The following RANBP2 variants were observed in gnomAD, a reference collection of about 807,000 sequenced individuals.
The protein encoded by RANBP2 is RAN binding protein 2.
A neutral mutation model predicts 303.6 loss-of-function variants in RANBP2; 57 were observed. That is an observed-to-expected ratio of 0.19 (90% CI 0.15 to 0.23). The LOEUF (loss-of-function observed/expected upper bound fraction) is 0.23. Ranked by LOEUF, RANBP2 falls within the 10% of genes least tolerant of loss-of-function variation. RANBP2 has a pLI of 1.00. For missense variants in RANBP2, 3,138 were observed against 3,780.8 expected, an observed-to-expected ratio of 0.83 and a Z score of 4.46; for synonymous variants, 1,167 against 1,301.5, an observed-to-expected ratio of 0.90 and a Z score of 2.23.
At chr2:109,043,615 G>A in the RANBP2 span, among the ~76,000 whole-genome samples, 36 of 152,294 alleles carry the variant, frequency 2.4e-4, no homozygotes, top group East Asian at 2.9e-3. Flanking sequence ...AATTACAGGC[G>A]TGAGCCACCG....
chr2:109,269,143 A>G, the RANBP2 span, among the ~76,000 whole-genome samples: 36 of 152,344 alleles, frequency 2.4e-4, no homozygotes, highest in Non-Finnish European at 4.4e-4. Flanking sequence ...AAGCGTGGGC[A>G]TCATAGGCAG....
At chr2:109,602,503 C>T in the RANBP2 span, among the ~76,000 whole-genome samples, 3,935 of 151,984 alleles carry the variant, frequency 0.026, 63 homozygotes, top group South Asian at 0.074. Flanking sequence ...TGGTGAAACC[C>T]CATCTCTACT....
At chr2:109,129,292 G>A in the RANBP2 span, 4 of 690,748 alleles carry the variant, frequency 5.8e-6, no homozygotes, top group South Asian at 3.3e-5. Context: ...GCCCGCAGCC[G>A]CAGGCGCTGC....
chr2:109,542,888 T>C, the RANBP2 span: 2 of 152,634 alleles, frequency 1.3e-5, no homozygotes, highest in African/African-American at 4.8e-5. Flanking sequence ...TGTCTGAAAA[T>C]ACTCATAAAA....
the RANBP2 span, among the ~76,000 whole-genome samples, chr2:109,335,030 G>A: frequency 6.6e-6 from 1 of 152,350 alleles, no homozygotes; most frequent in South Asian, 2.1e-4. Flanking sequence ...CGACTTACAT[G>A]TGCTCCCTGA....
the RANBP2 span, among the ~76,000 whole-genome samples, chr2:108,877,325 A>T: frequency 6.6e-6 from 1 of 151,550 alleles, no homozygotes; most frequent in East Asian, 1.9e-4. Flanking sequence ...AGAATTAGCC[A>T]GGCGGTGATG....
At chr2:108,740,904 A>G (rs1222803175) in intron 7 of RANBP2, among the ~76,000 whole-genome samples, 1 of 151,920 alleles carries the variant, frequency 6.6e-6, no homozygotes, top group Non-Finnish European at 1.5e-5. Flanking sequence ...CTGCATTGCC[A>G]TGATTTGTTT....
At chr2:108,786,462 A>G (rs1678734308), downstream of RANBP2, among the ~76,000 whole-genome samples, 1 of 152,106 alleles carries the variant, frequency 6.6e-6, no homozygotes, top group South Asian at 2.1e-4. Context: ...CGACCGGTCT[A>G]TGTGGTGAGC....
chr2:109,201,624 T>G, the RANBP2 span, among the ~76,000 whole-genome samples: 1 of 152,228 alleles, frequency 6.6e-6, no homozygotes, highest in South Asian at 2.1e-4. Context: ...TCTCACAGCA[T>G]GGCCTTCGTT....
chr2:109,149,732 A>G, the RANBP2 span, among the ~76,000 whole-genome samples: 10 of 152,232 alleles, frequency 6.6e-5, no homozygotes, highest in Non-Finnish European at 1.5e-5. Context: ...AATTGGTGCC[A>G]TGGGGGCTCT....
At chr2:109,432,663 C>G in the RANBP2 span, 6 of 1,611,442 alleles carry the variant, frequency 3.7e-6, no homozygotes, top group African/African-American at 1.3e-5. Flanking sequence ...ACGTGACACC[C>G]GTTTCCAGGT....
chr2:108,972,502 G>T, the RANBP2 span, among the ~76,000 whole-genome samples: 2 of 152,218 alleles, frequency 1.3e-5, no homozygotes, highest in Non-Finnish European at 2.9e-5. Context: ...CCGGGGCAGG[G>T]CAAGGTCAGG....
chr2:109,631,170 C>T, the RANBP2 span, among the ~76,000 whole-genome samples: 2 of 152,148 alleles, frequency 1.3e-5, no homozygotes, highest in Non-Finnish European at 2.9e-5. Context: ...TGCTATATGA[C>T]CTGGAAGCTG....
At chr2:108,996,283 G>A in the RANBP2 span, among the ~76,000 whole-genome samples, 1 of 152,176 alleles carries the variant, frequency 6.6e-6, no homozygotes, top group Non-Finnish European at 1.5e-5. Context: ...AAGCCACACA[G>A]TTTAGGGATC....
At chr2:109,049,444 C>T in the RANBP2 span, among the ~76,000 whole-genome samples, 2 of 152,168 alleles carry the variant, frequency 1.3e-5, no homozygotes, top group African/African-American at 4.8e-5. Flanking sequence ...TTACGGCGAG[C>T]ACTTCTCTGC....
the RANBP2 span, among the ~76,000 whole-genome samples, chr2:109,259,511 C>T: frequency 3.3e-5 from 5 of 152,314 alleles, no homozygotes; most frequent in South Asian, 1.0e-3. Flanking sequence ...TGTGCAAAGT[C>T]AGGACTCTCC....
the RANBP2 span, among the ~76,000 whole-genome samples, chr2:108,892,194 G>A: frequency 6.6e-6 from 1 of 152,120 alleles, no homozygotes; most frequent in African/African-American, 2.4e-5. Context: ...AGGTGAGAAT[G>A]TATGTCCTTC....
the RANBP2 span, among the ~76,000 whole-genome samples, chr2:108,997,286 A>G: frequency 6.6e-6 from 1 of 151,910 alleles, no homozygotes; most frequent in African/African-American, 2.4e-5. Flanking sequence ...CTAAAAATAC[A>G]AAAAATTAGC....
At chr2:109,219,233 T>C in the RANBP2 span, among the ~76,000 whole-genome samples, 13 of 152,314 alleles carry the variant, frequency 8.5e-5, no homozygotes, top group African/African-American at 3.1e-4. Flanking sequence ...TGTATTTGAG[T>C]TGTTCTCAGA....
Sources: gnomAD v4.1 joint callset for allele counts (sites outside exome capture counted in the v4.1 genomes callset) on GRCh38, gnomAD v4.1.1 for gene constraint, MANE v1.5 for transcripts, NCBI Gene and HGNC (gene_info 2026-07-23, HGNC 2026-07-21) for gene names.